CCDC171: variants seen among roughly 807,000 people sequenced by gnomAD.
The protein encoded by CCDC171 is coiled-coil domain containing 171, also known as coiled-coil domain-containing protein 171.
In CCDC171, 177 loss-of-function variants were observed where a neutral mutation model predicts 168.2. That is an observed-to-expected ratio of 1.05 (90% CI 0.93 to 1.19). The LOEUF is 1.19. Among genes scored for constraint, CCDC171 ranks in the 50% most tolerant of loss-of-function variants. CCDC171 has a pLI of 0.00. For synonymous variants in CCDC171, 687 were observed against 540.8 expected, an observed-to-expected ratio of 1.27 and a Z score of -3.75; for missense variants, 1,991 against 1,539.0, an observed-to-expected ratio of 1.29 and a Z score of -4.91.
chr9:15,999,302 G>A (rs1448893210), intron 3 of CCDC171, among the ~76,000 whole-genome samples: 1 of 148,056 alleles, frequency 6.8e-6, no homozygotes, highest in African/African-American at 2.5e-5. Flanking sequence ...AGGGAAGGAA[G>A]GAAGGAAAAA....
At chr9:15,781,460 C>G (rs2057662515) in intron 20 of CCDC171, among the ~76,000 whole-genome samples, 1 of 152,176 alleles carries the variant, frequency 6.6e-6, no homozygotes, top group African/African-American at 2.4e-5. Context: ...CTCTGTCACC[C>G]AGGCCGGAGT....
chr9:15,618,309 T>G (rs1351285473), intron 6 of CCDC171, among the ~76,000 whole-genome samples: 1 of 152,162 alleles, frequency 6.6e-6, no homozygotes, highest in Non-Finnish European at 1.5e-5. Context: ...CCCAGTCTCC[T>G]TAGCACTATC....
At chr9:15,787,851 C>T (rs1416508528) in intron 21 of CCDC171, among the ~76,000 whole-genome samples, 1 of 152,080 alleles carries the variant, frequency 6.6e-6, no homozygotes, top group African/African-American at 2.4e-5. Context: ...CTTTTATTAT[C>T]AGTGGAGTTG....
chr9:15,556,159 T>A (rs981371290), intron 1 of CCDC171, among the ~76,000 whole-genome samples: 5 of 152,188 alleles, frequency 3.3e-5, no homozygotes, highest in African/African-American at 1.2e-4. Context: ...TGCATGTGTC[T>A]TTATAGCAGC....
chr9:15,923,985 TTA>T (rs1825626753), intron 25 of CCDC171, among the ~76,000 whole-genome samples: 2 of 151,406 alleles, frequency 1.3e-5, no homozygotes, highest in African/African-American at 4.8e-5. Context: ...TGTTACTCAG[TTA>T]TATATATGCC....
chr9:15,608,420 G>C (rs1160589114), intron 6 of CCDC171, among the ~76,000 whole-genome samples: 1 of 151,894 alleles, frequency 6.6e-6, no homozygotes, highest in Non-Finnish European at 1.5e-5. Flanking sequence ...CTCTTAAGTG[G>C]GTGTAACAAT....
intron 4 of CCDC171, 115 bp from the exon 5 acceptor site, chr9:15,591,251 A>T (rs954600648): frequency 3.2e-6 from 2 of 631,428 alleles, no homozygotes; most frequent in African/African-American, 3.9e-5. Flanking sequence ...GGAAAGGTTA[A>T]ATGTTTTATC....
chr9:16,032,501 C>T (rs892320265), intron 6 of CCDC171, among the ~76,000 whole-genome samples: 12 of 152,140 alleles, frequency 7.9e-5, no homozygotes, highest in Admixed American at 6.5e-5. Flanking sequence ...TGGGATCTGG[C>T]TTCTCTCCTA....
chr9:16,069,753 T>G, the CCDC171 span, among the ~76,000 whole-genome samples: 1 of 152,134 alleles, frequency 6.6e-6, no homozygotes, highest in Non-Finnish European at 1.5e-5. Flanking sequence ...CCTAAGGCGG[T>G]GAGAGCTTGC....
At chr9:15,666,141 T>C in intron 8 of CCDC171, 22 bp from the exon 9 acceptor site, 2 of 1,607,572 alleles carry the variant, frequency 1.2e-6, no homozygotes, top group Non-Finnish European at 1.7e-6. Flanking sequence ...CTTGATTTAA[T>C]TACTTGTCTG....
rs11562189 is a variant in CCDC171 at position 15,905,812 on chromosome 9, C to T, written c.3601-14458C>T. On this transcript the variant is annotated intron_variant, in intron 24 of 25. Transcript: ENST00000380701. ...AAGAAGAAAAGAGAGAAGAATCAAACAGACACAATAAAAAATGATAAAGGG... is the reference window on the plus strand; with the variant it reads ...AAGAAGAAAAGAGAGAAGAATCAAATAGACACAATAAAAAATGATAAAGGG... Among the ~76,000 whole-genome samples, 40 of 152,104 alleles carry T rather than the reference C, an allele frequency of 2.6e-4. No homozygotes were observed. In the East Asian group the frequency reaches 7.0e-3, roughly 26 times the overall value.
intron 7 of CCDC171, among the ~76,000 whole-genome samples, chr9:15,637,643 C>G (rs1023610317): frequency 3.9e-5 from 5 of 128,934 alleles, no homozygotes; most frequent in African/African-American, 1.4e-4. Flanking sequence ...CAACAGTCCC[C>G]AGAGTGTGAT....
intron 18 of CCDC171, among the ~76,000 whole-genome samples, chr9:15,759,817 G>T (rs1296001793): frequency 6.6e-6 from 1 of 152,084 alleles, no homozygotes; most frequent in Admixed American, 6.6e-5. Context: ...TTCTTTTAGA[G>T]AATGATTTTT....
downstream of CCDC171, among the ~76,000 whole-genome samples, chr9:15,977,960 T>A (rs1055405351): frequency 6.6e-6 from 1 of 152,196 alleles, no homozygotes; most frequent in African/African-American, 2.4e-5. Flanking sequence ...GGCTATATAA[T>A]AGGACATCTC....
chr9:15,780,767 T>C (rs2057623877), intron 20 of CCDC171, among the ~76,000 whole-genome samples: 1 of 152,212 alleles, frequency 6.6e-6, no homozygotes, highest in South Asian at 2.1e-4. Context: ...TTTTCCTCTG[T>C]CATTTAATTA....
At chr9:15,996,606 G>T (rs1222883109) in intron 3 of CCDC171, among the ~76,000 whole-genome samples, 1 of 151,710 alleles carries the variant, frequency 6.6e-6, no homozygotes, top group African/African-American at 2.4e-5. Context: ...GATTAGGAAT[G>T]CTCAACTAAA....
At chr9:15,723,167 C>T (rs1210706028) in intron 12 of CCDC171, among the ~76,000 whole-genome samples, 3 of 152,110 alleles carry the variant, frequency 2.0e-5, no homozygotes, top group South Asian at 2.1e-4. Flanking sequence ...AAATCACAAG[C>T]GGTGCAGGAC....
chr9:15,632,187 A>T (rs2132309385), intron 7 of CCDC171, among the ~76,000 whole-genome samples: 1 of 145,868 alleles, frequency 6.9e-6, no homozygotes, highest in African/African-American at 2.5e-5. Context: ...TAGGCAGGAG[A>T]AGGAAATAAA....
At chr9:15,841,362 A>G (rs1027886839) in intron 21 of CCDC171, among the ~76,000 whole-genome samples, 17 of 152,098 alleles carry the variant, frequency 1.1e-4, no homozygotes, top group African/African-American at 4.1e-4. Flanking sequence ...ATGACGTTAC[A>G]TGTAGAAGTG....
Sources: allele counts gnomAD v4.1 joint callset (sites outside exome capture counted in the v4.1 genomes callset), GRCh38; gene constraint gnomAD v4.1.1; transcripts MANE v1.5; gene names NCBI Gene and HGNC (gene_info 2026-07-23, HGNC 2026-07-21).